Variants in SPHKAP observed in about 807,000 individuals in gnomAD.
The protein encoded by SPHKAP is SPHK1 interactor, AKAP domain containing, also known as A-kinase anchor protein SPHKAP.
SPHKAP carries 67 observed loss-of-function variants against 137.5 expected under a neutral mutation model. That is an observed-to-expected ratio of 0.49 (90% CI 0.40 to 0.60). SPHKAP has a LOEUF of 0.60. Among genes scored for constraint, SPHKAP ranks in the 20% least tolerant of loss-of-function variants. SPHKAP has a pLI of 0.00. For synonymous variants in SPHKAP, 813 were observed against 785.3 expected, an observed-to-expected ratio of 1.04 and a Z score of -0.59; for missense variants, 2,097 against 2,069.3, an observed-to-expected ratio of 1.01 and a Z score of -0.26.
chr2:228,145,209 AG>A (rs1249574696), intron 1 of SPHKAP, among the ~76,000 whole-genome samples: 1 of 152,206 alleles, frequency 6.6e-6, no homozygotes, highest in East Asian at 1.9e-4. Context: ...CACCACAAAA[AG>A]GAATGCTCTT....
intron 1 of SPHKAP, among the ~76,000 whole-genome samples, chr2:228,151,628 A>C: frequency 6.6e-6 from 1 of 152,104 alleles, no homozygotes; most frequent in Non-Finnish European, 1.5e-5. Flanking sequence ...CGCCATTCTA[A>C]CTGGTGTGAG....
intron 3 of SPHKAP, among the ~76,000 whole-genome samples, chr2:228,057,121 G>A (rs1241130433): frequency 3.3e-5 from 5 of 152,140 alleles, no homozygotes; most frequent in African/African-American, 9.7e-5. Context: ...TCTATACCAC[G>A]AATGAAGAAA....
rs1008640541 is a variant in SPHKAP, at chr2:227,991,431, A to C, written c.4722-105T>G. 3.0e-5 allele frequency: 48 copies of C among 1,591,104 alleles called. No individual in the cohort carries two copies. In the Middle Eastern group the frequency reaches 8.3e-4, roughly 28 times the overall value. ...ACTGATCTAAAAGCTTCTGAAGTTCATTCTGGATTTATTGTTTTTGTAGAG... is the reference window on the plus strand; with the variant it reads ...ACTGATCTAAAAGCTTCTGAAGTTCCTTCTGGATTTATTGTTTTTGTAGAG... On this transcript the variant is annotated intron_variant, in intron 9 of 11. Transcript: ENST00000392056.
chr2:228,176,078 T>C (rs1330854776), intron 1 of SPHKAP, among the ~76,000 whole-genome samples: 1 of 152,208 alleles, frequency 6.6e-6, no homozygotes, highest in Non-Finnish European at 1.5e-5. Flanking sequence ...ATTTCCCAGA[T>C]GATGAAAATA....
At chr2:228,118,829 C>A (rs1471129276) in intron 2 of SPHKAP, among the ~76,000 whole-genome samples, 1 of 152,044 alleles carries the variant, frequency 6.6e-6, no homozygotes. Context: ...CTGTACTAGG[C>A]ACTGTTTATT....
chr2:228,124,504 G>T (rs945519046), intron 2 of SPHKAP, among the ~76,000 whole-genome samples: 3 of 148,652 alleles, frequency 2.0e-5, no homozygotes, highest in Non-Finnish European at 4.4e-5. Flanking sequence ...AACACCACAC[G>T]TTCTCACTCA....
At chr2:228,131,857 C>A (rs553378942) in intron 2 of SPHKAP, 123 bp downstream of exon 2, 10 of 1,409,020 alleles carry the variant, frequency 7.1e-6, no homozygotes, top group Non-Finnish European at 9.5e-6. Flanking sequence ...GAAAGCAAAC[C>A]GTGAGCCATT....
intron 3 of SPHKAP, among the ~76,000 whole-genome samples, chr2:228,065,979 A>G (rs1696816162): frequency 6.6e-6 from 1 of 152,224 alleles, no homozygotes; most frequent in African/African-American, 2.4e-5. Context: ...TGTCAGAACA[A>G]TACAAGTGAG....
intron 3 of SPHKAP, among the ~76,000 whole-genome samples, chr2:228,050,101 AC>A (rs1696203845): frequency 6.6e-6 from 1 of 152,238 alleles, no homozygotes; most frequent in Non-Finnish European, 1.5e-5. Flanking sequence ...GATCAACATT[AC>A]TAATTCTCAC....
chr2:228,004,534 G>C (rs1694050506), intron 7 of SPHKAP, among the ~76,000 whole-genome samples: 1 of 152,126 alleles, frequency 6.6e-6, no homozygotes, highest in Non-Finnish European at 1.5e-5. Flanking sequence ...TTTTATGAAG[G>C]GTTTTTTGTG....
At chr2:228,033,511 T>G (rs576513882) in intron 3 of SPHKAP, among the ~76,000 whole-genome samples, 8 of 152,196 alleles carry the variant, frequency 5.3e-5, no homozygotes, top group Admixed American at 2.6e-4. Flanking sequence ...ATTGAACTCA[T>G]CTCTGCAGCA....
chr2:228,044,395 C>A (rs892382067), intron 3 of SPHKAP, among the ~76,000 whole-genome samples: 1 of 152,116 alleles, frequency 6.6e-6, no homozygotes. Flanking sequence ...TAATAAAAGA[C>A]ATCAAGTGGT....
chr2:228,022,519 GACTTTAAGGGA>G (rs1344481492), intron 5 of SPHKAP, among the ~76,000 whole-genome samples: 1 of 152,162 alleles, frequency 6.6e-6, no homozygotes, highest in Admixed American at 6.5e-5. Context: ...AAAGACTGGG[GACTTTAAGGGA>G]ACTATCTTCC....
intron 1 of SPHKAP, among the ~76,000 whole-genome samples, 194 bp from the exon 2 acceptor site, chr2:228,132,279 C>T (rs5013548): frequency 0.34 from 52,043 of 152,042 alleles, 9,184 homozygotes; most frequent in East Asian, 0.51. Context: ...CCACTACAGA[C>T]GATCCTACTG....
intron 7 of SPHKAP, among the ~76,000 whole-genome samples, chr2:228,014,193 A>C (rs2106202814): frequency 6.6e-6 from 1 of 152,306 alleles, no homozygotes; most frequent in South Asian, 2.1e-4. Flanking sequence ...TTTCATGAAC[A>C]TTCCCTAACT....
At chr2:228,162,012 C>G (rs1334097164) in intron 1 of SPHKAP, among the ~76,000 whole-genome samples, 2 of 152,106 alleles carry the variant, frequency 1.3e-5, no homozygotes, top group African/African-American at 4.8e-5. Flanking sequence ...ATAATCATGG[C>G]CCAGAGGAAG....
intron 1 of SPHKAP, among the ~76,000 whole-genome samples, chr2:228,177,001 C>G (rs1176271194): frequency 7.1e-6 from 1 of 139,988 alleles, no homozygotes; most frequent in Admixed American, 7.2e-5. Context: ...AGAAAAAACT[C>G]AGTTCAAATG....
At chr2:228,011,344 T>A (rs1395083265) in intron 7 of SPHKAP, among the ~76,000 whole-genome samples, 4 of 152,112 alleles carry the variant, frequency 2.6e-5, no homozygotes, top group African/African-American at 4.8e-5. Context: ...CAGTTCCAAG[T>A]CTTCACCATT....
At position 228,017,244 on chromosome 2, in the gene SPHKAP, T is replaced by C. The variant is rs143159331; in HGVS notation, c.3610A>G (p.Arg1204Gly). The C allele has an allele frequency of 6.2e-6, 10 of 1,613,946 alleles. No homozygotes were observed. In the African/African-American group the frequency reaches 9.3e-5, roughly 15 times the overall value. Residue 1204 changes from arginine to glycine, a missense_variant, in exon 7 of 12, where the codon AGA becomes GGA. Coordinates refer to ENST00000392056, the MANE Select transcript of SPHKAP (RefSeq NM_001142644.2). ...GAGGAGGCACTTTCTCTGCTGTCTC[T>C]TTCGATGTCCCTCAGCATGTACCTG... ...FYRYMLRDIE[R>G]DSRESASSRR...
Sources: gnomAD v4.1 joint callset for allele counts (sites outside exome capture counted in the v4.1 genomes callset) on GRCh38, gnomAD v4.1.1 for gene constraint, MANE v1.5 for transcripts, NCBI Gene and HGNC (gene_info 2026-07-23, HGNC 2026-07-21) for gene names.